CA10: variants seen among roughly 807,000 people sequenced by gnomAD.
CA10 encodes the protein carbonic anhydrase 10 (inactive), also known as carbonic anhydrase-related protein 10.
A neutral mutation model predicts 44.2 loss-of-function variants in CA10; 14 were observed. That is an observed-to-expected ratio of 0.32 (90% confidence interval 0.21 to 0.50). The LOEUF is 0.50. Ranked by LOEUF, CA10 falls within the 20% of genes least tolerant of loss-of-function variation. The pLI is 0.99. For missense variants in CA10, 350 were observed against 409.7 expected, an observed-to-expected ratio of 0.85 and a Z score of 1.26; for synonymous variants, 159 against 141.6, an observed-to-expected ratio of 1.12 and a Z score of -0.87.
chr17:51,918,113 C>T (rs1051347678), intron 3 of CA10, among the ~76,000 whole-genome samples: 2 of 152,144 alleles, frequency 1.3e-5, no homozygotes, highest in South Asian at 2.1e-4. Context: ...GAATAAATGA[C>T]GTGAGAGTCA....
intron 1 of CA10, among the ~76,000 whole-genome samples, chr17:52,142,544 A>G (rs1001149561): frequency 3.3e-5 from 5 of 152,136 alleles, no homozygotes; most frequent in South Asian, 2.1e-4. Context: ...TGGTTTAATG[A>G]TGTTTTACAA....
chr17:51,695,194 A>G (rs1915359021), intron 4 of CA10, among the ~76,000 whole-genome samples: 1 of 152,128 alleles, frequency 6.6e-6, no homozygotes, highest in South Asian at 2.1e-4. Flanking sequence ...TTTGTGAAAA[A>G]TGATGGTAGC....
intron 4 of CA10, among the ~76,000 whole-genome samples, chr17:51,711,549 A>T (rs1915943041): frequency 6.6e-6 from 1 of 152,186 alleles, no homozygotes; most frequent in Non-Finnish European, 1.5e-5. Context: ...GTCAAACTAG[A>T]TGTCTTCTGT....
intron 3 of CA10, among the ~76,000 whole-genome samples, chr17:51,810,364 G>C (rs757167082): frequency 2.0e-5 from 3 of 152,130 alleles, no homozygotes; most frequent in Non-Finnish European, 4.4e-5. Context: ...CACCAAGAAG[G>C]GTTTCTAGCC....
chr17:51,754,032 CG>C (rs1203763640), intron 3 of CA10, among the ~76,000 whole-genome samples: 3 of 151,920 alleles, frequency 2.0e-5, no homozygotes, highest in Non-Finnish European at 4.4e-5. Context: ...TTAGTAGAGA[CG>C]GGGTTTCACC....
chr17:52,071,065 T>A (rs576610630), intron 2 of CA10, among the ~76,000 whole-genome samples: 2 of 152,312 alleles, frequency 1.3e-5, no homozygotes, highest in Admixed American at 1.3e-4. Context: ...AAAAGGGACA[T>A]CCTCAATTGT....
At chr17:51,789,442 A>T (rs926689855) in intron 3 of CA10, among the ~76,000 whole-genome samples, 7 of 152,246 alleles carry the variant, frequency 4.6e-5, no homozygotes, top group South Asian at 2.1e-4. Context: ...GTATTTCATC[A>T]TGAGTTTCTT....
chr17:51,794,261 T>C (rs1906627542), intron 3 of CA10, among the ~76,000 whole-genome samples: 1 of 152,222 alleles, frequency 6.6e-6, no homozygotes, highest in South Asian at 2.1e-4. Flanking sequence ...TTATGCTGCC[T>C]GCATGCTCCC....
intron 2 of CA10, among the ~76,000 whole-genome samples, chr17:52,014,789 T>C (rs1291231789): frequency 6.6e-6 from 1 of 152,010 alleles, no homozygotes; most frequent in African/African-American, 2.4e-5. Context: ...CAGTAGAAGA[T>C]ACCCAAGCAA....
chr17:51,719,375 G>C (rs1486758174), intron 4 of CA10, among the ~76,000 whole-genome samples: 1 of 152,204 alleles, frequency 6.6e-6, no homozygotes, highest in Non-Finnish European at 1.5e-5. Flanking sequence ...CTGAAAAGTA[G>C]ACTAGAAAGT....
rs1451164987 is a variant in CA10 at position 52,157,911 on chromosome 17, C to T, written c.-125G>A. The T allele has an allele frequency of 2.4e-5, 19 of 780,828 alleles. No individual in the cohort carries two copies. Among genetic ancestry groups the T allele is most frequent in the Non-Finnish European group, 4.1e-5 (18 of 437,692 alleles). 48.4% of individuals were successfully genotyped at this position (780,828 alleles called of 1,614,324 possible). A position where few individuals can be genotyped will look rare whatever the true frequency, so the allele number is the denominator to read the frequency against. ...AGCGAGTGCACACTCGCACTCCCAC[C>T]CGACAGCCGGCCAGGGACAGTCACC... is the stretch of plus-strand genomic sequence containing the variant. On this transcript the variant is annotated 5_prime_UTR_variant, in exon 1 of 9. Coordinates refer to ENST00000451037, the MANE Select transcript of CA10 (RefSeq NM_020178.5).
chr17:51,920,971 C>G (rs1022869292), intron 3 of CA10, among the ~76,000 whole-genome samples: 1 of 152,098 alleles, frequency 6.6e-6, no homozygotes, highest in Non-Finnish European at 1.5e-5. Context: ...ACTCAGAGTA[C>G]AATATACCAA....
Position 51,633,505 on chromosome 17 carries a change from T to A in CA10, c.935A>T (p.Asn312Ile). 6.2e-6 allele frequency: 10 copies of A among 1,613,808 alleles called. No individual in the cohort carries two copies. The highest frequency in any genetic ancestry group is 8.5e-6 in the Non-Finnish European group (10 of 1,179,828). Residue 312 changes from asparagine (N) to isoleucine (I), a missense_variant, in exon 8 of 9, where the codon AAC (asparagine) becomes ATC (isoleucine). Physicochemically the swap from Asn to Ile is moderately radical, Grantham distance 149 (BLOSUM62 -3). Coordinates refer to ENST00000451037, the MANE Select transcript of CA10 (RefSeq NM_020178.5). ...NFSLQGKDCP[N>I]NRAQKLQYRV... ...ATACTGAAGCTTCTGGGCTCGGTTG[T>A]TTGGACAGTCCTTCCCCTGTAAACT... is the stretch of plus-strand genomic sequence containing the variant.
At chr17:51,937,376 C>A (rs1026870706) in intron 2 of CA10, among the ~76,000 whole-genome samples, 2 of 152,064 alleles carry the variant, frequency 1.3e-5, no homozygotes, top group Non-Finnish European at 2.9e-5. Context: ...CTGCTGCAGG[C>A]TTTTGGTCTG....
chr17:52,015,597 G>T (rs1985942838), intron 2 of CA10, among the ~76,000 whole-genome samples: 1 of 152,062 alleles, frequency 6.6e-6, no homozygotes, highest in South Asian at 2.1e-4. Flanking sequence ...GAGAAGTAAG[G>T]ATTTACAAGC....
intron 3 of CA10, among the ~76,000 whole-genome samples, chr17:51,820,181 C>T (rs1598061394): frequency 2.3e-5 from 2 of 87,726 alleles, no homozygotes; most frequent in African/African-American, 3.9e-5. Flanking sequence ...TGAACCTGAG[C>T]GCCGCCCCCC....
intron 1 of CA10, among the ~76,000 whole-genome samples, chr17:52,095,427 T>G (rs1988379368): frequency 6.6e-6 from 1 of 152,088 alleles, no homozygotes; most frequent in Non-Finnish European, 1.5e-5. Flanking sequence ...ATGTGTAAAA[T>G]TAATTCATCT....
intron 2 of CA10, among the ~76,000 whole-genome samples, chr17:51,934,437 G>C (rs1284227903): frequency 6.6e-6 from 1 of 152,108 alleles, no homozygotes; most frequent in Non-Finnish European, 1.5e-5. Context: ...TTGCTGCCAA[G>C]ACCCCTGTAA....
intron 4 of CA10, among the ~76,000 whole-genome samples, chr17:51,694,109 C>T (rs1002554830): frequency 6.6e-6 from 1 of 151,728 alleles, no homozygotes; most frequent in African/African-American, 2.4e-5. Flanking sequence ...GAGGCTGAGG[C>T]AGGAGAATCG....
Sources: gnomAD v4.1 joint callset for allele counts (sites outside exome capture counted in the v4.1 genomes callset) on GRCh38, gnomAD v4.1.1 for gene constraint, MANE v1.5 for transcripts, NCBI Gene and HGNC (gene_info 2026-07-23, HGNC 2026-07-21) for gene names.